The following MGAT5B variants were observed in gnomAD, a reference collection of about 807,000 sequenced individuals.
MGAT5B encodes the protein N-acetylglucosaminyl-transferase Vb.
Under a neutral mutation model 95.1 loss-of-function variants are expected in MGAT5B, and 54 were observed. That is an observed-to-expected ratio of 0.57 (90% CI 0.46 to 0.71). MGAT5B has a LOEUF of 0.71. Among genes scored for constraint, MGAT5B ranks in the 30% least tolerant of loss-of-function variants. MGAT5B has a pLI of 0.00. For synonymous variants in MGAT5B, 464 were observed against 451.0 expected (o/e 1.03, Z -0.36); for missense variants, 935 against 1,088.6 (o/e 0.86, Z 1.99).
intron 2 of MGAT5B, among the ~76,000 whole-genome samples, chr17:76,875,630 G>C (rs957187578): frequency 7.9e-6 from 1 of 126,432 alleles, no homozygotes; most frequent in African/African-American, 3.0e-5. Context: ...TCACTATCTT[G>C]TATGCGGTTG....
chr17:76,902,891 G>T (rs1028351199), intron 4 of MGAT5B, among the ~76,000 whole-genome samples: 3 of 152,184 alleles, frequency 2.0e-5, no homozygotes, highest in African/African-American at 7.2e-5. Flanking sequence ...GGTCCCTGGA[G>T]TCTCAGCTTC....
chr17:76,906,030 A>G lies in MGAT5B; in HGVS notation c.868A>G (p.Ile290Val), dbSNP rs571777359. 4.5e-4 allele frequency: 726 copies of G among 1,604,380 alleles called. 6 individuals carry two copies. In the South Asian group the frequency reaches 7.6e-3, roughly 17 times the overall value. Residue 290 changes from isoleucine to valine, a missense_variant, in exon 8 of 18, where the codon ATC (isoleucine) becomes GTC (valine). Ile to Val is a conservative substitution (Grantham distance 29, BLOSUM62 3). This residue lies in a region of MGAT5B where 243 missense variants were observed against 305.5 expected (regional missense o/e 0.80). Transcript: ENST00000569840. This position sits in a 1 kb window ranked among gnomAD's most constrained non-coding sequence, Gnocchi z 4.6. ...TCCGCCCACCCAGATCCTGGTCCAC[A>G]TCGGCTTCCTGACGGAGGAGTCCGG... ...QRDQKQILVH[I>V]GFLTEESGDV...
rs1470907350 is a variant in MGAT5B at position 76,940,088 on chromosome 17, C to T, written c.1585-314C>T. Among the ~76,000 whole-genome samples, 1 of 152,088 alleles carries T rather than the reference C, an allele frequency of 6.6e-6. No homozygotes were observed. Among genetic ancestry groups the T allele is most frequent in the Non-Finnish European group, 1.5e-5 (1 of 68,016 alleles). ...CTGAAACCCTTGTTCTTTTCTTCCTCCCTCCACAATCATAAATCATAGCCT... is the reference window on the plus strand; with the variant it reads ...CTGAAACCCTTGTTCTTTTCTTCCTTCCTCCACAATCATAAATCATAGCCT... On this transcript the variant is annotated intron_variant, in intron 13 of 17. Coordinates refer to ENST00000569840, the MANE Select transcript of MGAT5B (RefSeq NM_001199172.2). The surrounding 1 kb of genome is among the most constrained non-coding windows in gnomAD (Gnocchi z 4.3).
In MGAT5B at chr17:76,889,053, T is replaced by G. The variant is rs533386544; in HGVS notation, c.329+6755T>G. ...GCTTGGCATTCTTTTACTTTCCGAG[T>G]GAGAAACGATGGTTTTGGTAGAATG... On this transcript the variant is annotated intron_variant, in intron 3 of 17. Coordinates refer to ENST00000569840, the MANE Select transcript of MGAT5B (RefSeq NM_001199172.2). This position sits in a 1 kb window ranked among gnomAD's most constrained non-coding sequence, Gnocchi z 4.4. Among the ~76,000 whole-genome samples the G allele has an allele frequency of 6.6e-6, 1 of 152,208 alleles. No individual in the cohort carries two copies. The highest frequency in any genetic ancestry group is 1.5e-5 in the Non-Finnish European group (1 of 68,000).
intron 3 of MGAT5B, among the ~76,000 whole-genome samples, chr17:76,897,580 T>C (rs1598921902): frequency 6.6e-6 from 1 of 152,182 alleles, no homozygotes; most frequent in East Asian, 1.9e-4. Flanking sequence ...CCCCAGTCAT[T>C]GGACTTAGGG....
chr17:76,882,048 G>A, intron 2 of MGAT5B, 103 bp from the exon 3 acceptor site: 1 of 1,294,394 alleles, frequency 7.7e-7, no homozygotes, highest in Non-Finnish European at 1.1e-6. Flanking sequence ...GTTGGTGCTG[G>A]GGGACTTTGG....
intron 3 of MGAT5B, among the ~76,000 whole-genome samples, chr17:76,885,342 C>T (rs576154690): frequency 4.6e-5 from 7 of 152,180 alleles, no homozygotes; most frequent in Non-Finnish European, 8.8e-5. Flanking sequence ...CTGCCTCCAG[C>T]GGTGCCTCTG....
intron 2 of MGAT5B, among the ~76,000 whole-genome samples, chr17:76,877,498 C>G (rs1342326392): frequency 5.3e-5 from 8 of 152,088 alleles, no homozygotes; most frequent in Admixed American, 5.2e-4. Context: ...GTGGATGGCT[C>G]TGGCTCTGGC....
intron 1 of MGAT5B, chr17:76,872,626 T>C: frequency 6.9e-7 from 1 of 1,451,832 alleles, no homozygotes; most frequent in Non-Finnish European, 9.0e-7. Context: ...TTCTGCCTTG[T>C]GGTTTCTCGT....
rs1006873955 is a variant in MGAT5B, at chr17:76,949,117, A to G, written c.*279A>G. The G allele has an allele frequency of 1.2e-5, 6 of 483,964 alleles. No individual in the cohort carries two copies. Among genetic ancestry groups the G allele is most frequent in the Non-Finnish European group, 1.9e-5 (5 of 268,536 alleles). The allele number at this position is 483,964 out of a possible 1,614,324, so 30.0% of individuals were successfully genotyped here. Reference sequence around the variant, plus strand: ...AGGTGTCGGACTGCTCAGAGTCCGCATGGCCCAGGAGCAGGTGGTCGGAGG... The same window carrying G: ...AGGTGTCGGACTGCTCAGAGTCCGCGTGGCCCAGGAGCAGGTGGTCGGAGG... On this transcript the variant is annotated 3_prime_UTR_variant, in exon 18 of 18. Coordinates refer to ENST00000569840, the MANE Select transcript of MGAT5B (RefSeq NM_001199172.2).
At chr17:76,896,698 A>G (rs189206288) in intron 3 of MGAT5B, among the ~76,000 whole-genome samples, 12 of 152,328 alleles carry the variant, frequency 7.9e-5, no homozygotes, top group African/African-American at 2.4e-4. Flanking sequence ...CCAGGATTTG[A>G]ACCCAGGACC....
At chr17:76,945,697 C>A (rs1279769344) in intron 15 of MGAT5B, among the ~76,000 whole-genome samples, 1 of 152,134 alleles carries the variant, frequency 6.6e-6, no homozygotes, top group African/African-American at 2.4e-5. Context: ...CTGGGAGATG[C>A]CCCTGTGTTC....
intron 16 of MGAT5B, among the ~76,000 whole-genome samples, 195 bp from the exon 17 acceptor site, chr17:76,947,635 A>G (rs941793228): frequency 6.6e-6 from 1 of 152,220 alleles, no homozygotes; most frequent in South Asian, 2.1e-4. Flanking sequence ...CTGAGCCTCC[A>G]TAATTCCTGT....
At chr17:76,946,700 G>A (rs77478679) in intron 16 of MGAT5B, among the ~76,000 whole-genome samples, 2,168 of 152,352 alleles carry the variant, frequency 0.014, 24 homozygotes, top group Non-Finnish European at 0.02. Context: ...CCAACTCCAC[G>A]GCACTAACAG....
At position 76,905,352 on chromosome 17, in the gene MGAT5B, C is replaced by G. The variant is rs751525943; in HGVS notation, c.855+19C>G. ...GAAGCAGGTGCGTGGCCCCTGCCCC[C>G]TCATGTGCAGGAGCTGAGAAAGCTC... is the stretch of plus-strand genomic sequence containing the variant. On this transcript the variant is annotated intron_variant, in intron 7 of 17. Coordinates refer to ENST00000569840, the MANE Select transcript of MGAT5B (RefSeq NM_001199172.2). This position sits in a 1 kb window ranked among gnomAD's most constrained non-coding sequence, Gnocchi z 4.2. The G allele has an allele frequency of 1.6e-4, 243 of 1,559,830 alleles. 1 individual carries two copies. The South Asian group carries it at 2.7e-3, about 17-fold the overall frequency.
chr17:76,937,480 C>T (rs960742557), intron 12 of MGAT5B, among the ~76,000 whole-genome samples: 37 of 150,540 alleles, frequency 2.5e-4, no homozygotes, highest in Middle Eastern at 3.4e-3. Flanking sequence ...GGTGGGTGGA[C>T]GCATAGAGTT....
intron 10 of MGAT5B, among the ~76,000 whole-genome samples, chr17:76,929,146 G>A (rs886666432): frequency 2.0e-5 from 3 of 152,186 alleles, no homozygotes; most frequent in East Asian, 1.9e-4. Flanking sequence ...GATTCCAGGC[G>A]TGAGCCACTG....
intron 3 of MGAT5B, among the ~76,000 whole-genome samples, chr17:76,898,475 C>T (rs1192042219): frequency 5.9e-5 from 9 of 151,560 alleles, no homozygotes; most frequent in African/African-American, 4.8e-5. Context: ...ATTACAGGCG[C>T]GCACCACCAC....
Position 76,905,067 on chromosome 17 carries a change from C to A in MGAT5B, c.691-102C>A. 1 of 1,295,404 alleles carries A rather than the reference C, an allele frequency of 7.7e-7. No homozygotes were observed. Among genetic ancestry groups the A allele is most frequent in the Non-Finnish European group, 1.0e-6 (1 of 954,310 alleles). The allele number at this position is 1,295,404 out of a possible 1,614,324, so 80.2% of individuals were successfully genotyped here. ...AAAGTGCAGGAGAAGCTGGAGCAGG[C>A]CCCAGCCTCATGGGAGGGTGCCAGC... is the stretch of plus-strand genomic sequence containing the variant. On this transcript the variant is annotated intron_variant, in intron 6 of 17. Coordinates refer to ENST00000569840, the MANE Select transcript of MGAT5B (RefSeq NM_001199172.2). This position sits in a 1 kb window ranked among gnomAD's most constrained non-coding sequence, Gnocchi z 4.2.
Sources: allele counts gnomAD v4.1 joint callset (sites outside exome capture counted in the v4.1 genomes callset), GRCh38; gene constraint gnomAD v4.1.1; regional missense constraint gnomAD v4.1.1; non-coding constraint Gnocchi (gnomAD v3.1); transcripts MANE v1.5; gene names NCBI Gene and HGNC (gene_info 2026-07-23, HGNC 2026-07-21).